The following CDH13 variants were observed in gnomAD, a reference collection of about 807,000 sequenced individuals.
The protein encoded by CDH13 is cadherin 13.
CDH13 carries 24 observed loss-of-function variants against 63.8 expected under a neutral mutation model. The observed-to-expected ratio is 0.38, with a 90% CI of 0.27 to 0.53. CDH13 has a LOEUF of 0.53. Ranked by LOEUF, CDH13 falls within the 20% of genes least tolerant of loss-of-function variation. The pLI is 0.85. For synonymous variants in CDH13, 503 were observed against 355.3 expected (o/e 1.42, Z -4.67); for missense variants, 1,049 against 903.1 (o/e 1.16, Z -2.07).
At chr16:83,783,224 C>A in intron 12 of CDH13, 30 bp from the exon 13 acceptor site, 1 of 1,515,174 alleles carries the variant, frequency 6.6e-7, no homozygotes, top group Non-Finnish European at 9.1e-7. Flanking sequence ...GTCTCATCCA[C>A]TCTCACCAGA....
intron 6 of CDH13, among the ~76,000 whole-genome samples, chr16:83,362,828 A>G (rs949265997): frequency 6.6e-6 from 1 of 152,184 alleles, no homozygotes; most frequent in African/African-American, 2.4e-5. Flanking sequence ...TCCCCAGCCA[A>G]GGCTGTGCAT....
rs569493221 is a variant in CDH13, at chr16:82,715,882, C to T, written c.45+88745C>T. ...CCTGACTAGAAAATCCCCAGTCCAA[C>T]TCCAGGAATGCCCTTTCTTCTTTAG... is the stretch of plus-strand genomic sequence containing the variant. On this transcript the variant is annotated intron_variant, in intron 1 of 13. Coordinates refer to ENST00000567109, the MANE Select transcript of CDH13 (RefSeq NM_001257.5). 2.9e-3 allele frequency among the ~76,000 whole-genome samples: 439 copies of T among 152,342 alleles called. 2 individuals are homozygous for T. Among genetic ancestry groups the T allele is most frequent in the Non-Finnish European group, 4.5e-3 (308 of 68,030 alleles).
intron 6 of CDH13, among the ~76,000 whole-genome samples, chr16:83,371,731 T>C (rs992922669): frequency 1.3e-5 from 2 of 152,196 alleles, no homozygotes; most frequent in African/African-American, 4.8e-5. Context: ...AGGCTTTGCA[T>C]GTAAGAAAAG....
At chr16:83,419,964 T>G (rs1237793932) in intron 6 of CDH13, among the ~76,000 whole-genome samples, 1 of 151,972 alleles carries the variant, frequency 6.6e-6, no homozygotes, top group Non-Finnish European at 1.5e-5. Context: ...TTCTGAATAC[T>G]ATATGCATAG....
intron 1 of CDH13, among the ~76,000 whole-genome samples, chr16:82,790,462 T>C (rs2036245439): frequency 6.6e-6 from 1 of 152,064 alleles, no homozygotes; most frequent in East Asian, 1.9e-4. Flanking sequence ...AAATTGCTAA[T>C]TATGCTGATT....
chr16:82,947,119 T>C (rs910888318), intron 2 of CDH13, among the ~76,000 whole-genome samples: 1 of 151,850 alleles, frequency 6.6e-6, no homozygotes, highest in Non-Finnish European at 1.5e-5. Context: ...TGCTAGCTAG[T>C]TGATGTCAGT....
intron 13 of CDH13, among the ~76,000 whole-genome samples, chr16:83,790,553 C>T (rs969973664): frequency 6.6e-6 from 1 of 152,202 alleles, no homozygotes; most frequent in African/African-American, 2.4e-5. Flanking sequence ...GCGCCCGCCA[C>T]CATGCCTGGC....
chr16:82,800,809 T>G (rs556305074), intron 1 of CDH13, among the ~76,000 whole-genome samples: 1 of 152,348 alleles, frequency 6.6e-6, no homozygotes, highest in Non-Finnish European at 1.5e-5. Flanking sequence ...GAGTCTCAGA[T>G]GAGAAATCTG....
chr16:83,034,795 T>C (rs373902594), intron 3 of CDH13, among the ~76,000 whole-genome samples: 1 of 152,188 alleles, frequency 6.6e-6, no homozygotes, highest in Admixed American at 6.5e-5. Context: ...GGGTTCATTA[T>C]GAAAACTCAG....
rs1187981406 is a variant in CDH13 at position 82,983,094 on chromosome 16, C to T, written c.158-48916C>T. Among the ~76,000 whole-genome samples the T allele has an allele frequency of 3.9e-5, 6 of 152,120 alleles. No homozygotes were observed. In the South Asian group the frequency reaches 1.2e-3, roughly 31 times the overall value. On this transcript the variant is annotated intron_variant, in intron 2 of 13. Transcript: ENST00000567109. ...TATGGTTTTTATTATCTTTCCTCACCAAAGACTTCAGCAAGGGAGGGATAC... is the reference window on the plus strand; with the variant it reads ...TATGGTTTTTATTATCTTTCCTCACTAAAGACTTCAGCAAGGGAGGGATAC...
rs78696435 is a variant in CDH13 at position 83,050,867 on chromosome 16, C to T, written c.366+18649C>T. Among the ~76,000 whole-genome samples the T allele has an allele frequency of 4.0e-3, 611 of 152,216 alleles. 4 individuals carry two copies. The highest frequency in any genetic ancestry group is 6.8e-3 in the Middle Eastern group (2 of 294). On this transcript the variant is annotated intron_variant, in intron 3 of 13. Transcript: ENST00000567109. ...TTCTTGCAGTGCCATCCTCGTCTTC[C>T]CATGCACCTGAACCCACCACCTTGT...
At chr16:83,042,753 C>G (rs576717419) in intron 3 of CDH13, among the ~76,000 whole-genome samples, 17 of 152,314 alleles carry the variant, frequency 1.1e-4, no homozygotes, top group African/African-American at 3.4e-4. Flanking sequence ...TCTAAACCGT[C>G]TCACATTGAC....
At chr16:83,591,017 C>T (rs1220280540) in intron 7 of CDH13, among the ~76,000 whole-genome samples, 1 of 149,706 alleles carries the variant, frequency 6.7e-6, no homozygotes, top group Non-Finnish European at 1.5e-5. Flanking sequence ...TTCAAGTGAT[C>T]CTCCTGCCTC....
intron 1 of CDH13, among the ~76,000 whole-genome samples, chr16:82,709,289 A>C (rs1208290753): frequency 6.6e-6 from 1 of 152,228 alleles, no homozygotes; most frequent in Non-Finnish European, 1.5e-5. Flanking sequence ...AAAGAAAAAA[A>C]TTCTGAACTT....
At chr16:83,162,981 A>G (rs1018192969) in intron 4 of CDH13, among the ~76,000 whole-genome samples, 16 of 152,086 alleles carry the variant, frequency 1.1e-4, no homozygotes, top group African/African-American at 3.6e-4. Context: ...AACCCCCACA[A>G]TTCCCATGTG....
At chr16:83,342,556 T>C (rs1008724621) in intron 5 of CDH13, among the ~76,000 whole-genome samples, 6 of 152,226 alleles carry the variant, frequency 3.9e-5, no homozygotes, top group African/African-American at 7.2e-5. Flanking sequence ...TAAAATACCA[T>C]TGGATTGTCT....
intron 4 of CDH13, among the ~76,000 whole-genome samples, chr16:83,160,181 A>C (rs1567461007): frequency 6.6e-6 from 1 of 152,170 alleles, no homozygotes; most frequent in Non-Finnish European, 1.5e-5. Flanking sequence ...TACATTTTAA[A>C]CATGTTTGGG....
intron 5 of CDH13, among the ~76,000 whole-genome samples, chr16:83,252,857 G>C (rs184526140): frequency 7.4e-4 from 112 of 152,158 alleles, no homozygotes; most frequent in African/African-American, 2.5e-3. Context: ...TAAGCGTACA[G>C]AGTTAACATC....
intron 4 of CDH13, among the ~76,000 whole-genome samples, chr16:83,138,674 A>G (rs2036402526): frequency 6.6e-6 from 1 of 152,172 alleles, no homozygotes; most frequent in African/African-American, 2.4e-5. Context: ...TCTACGGATG[A>G]CTAAGTGTTA....
Sources: gnomAD v4.1 joint callset for allele counts (sites outside exome capture counted in the v4.1 genomes callset) on GRCh38, gnomAD v4.1.1 for gene constraint, MANE v1.5 for transcripts, NCBI Gene and HGNC (gene_info 2026-07-23, HGNC 2026-07-21) for gene names.